The following DNAJC21 variants were observed in gnomAD, a reference collection of about 807,000 sequenced individuals.
The protein encoded by DNAJC21 is DnaJ heat shock protein family (Hsp40) member C21.
A neutral mutation model predicts 72.4 loss-of-function variants in DNAJC21; 63 were observed. The observed-to-expected ratio is 0.87, with a 90% confidence interval of 0.71 to 1.07. DNAJC21 has a LOEUF of 1.07. Among genes scored for constraint, DNAJC21 ranks in the 50% least tolerant of loss-of-function variants. The pLI is 0.00. For missense variants in DNAJC21, 634 were observed against 644.8 expected (o/e 0.98, Z 0.18); for synonymous variants, 203 against 216.7 (o/e 0.94, Z 0.56).
At chr5:34,941,259 A>G in intron 7 of DNAJC21, 76 bp downstream of exon 7, 1 of 1,308,486 alleles carries the variant, frequency 7.6e-7, no homozygotes, top group Non-Finnish European at 1.1e-6. Flanking sequence ...GTGCAGTGGC[A>G]CAGTCATGAC....
intron 1 of DNAJC21, among the ~76,000 whole-genome samples, chr5:34,932,521 A>G (rs1161964324): frequency 6.6e-6 from 1 of 152,206 alleles, no homozygotes; most frequent in Non-Finnish European, 1.5e-5. Context: ...ACAAATTACC[A>G]ATACCTCAGG....
intron 9 of DNAJC21, among the ~76,000 whole-genome samples, chr5:34,949,343 G>T (rs1371124500): frequency 6.6e-6 from 1 of 152,060 alleles, no homozygotes; most frequent in Non-Finnish European, 1.5e-5. Flanking sequence ...AAAAGTGGGG[G>T]AGCTGCTCTA....
intron 4 of DNAJC21, 43 bp from the exon 5 acceptor site, chr5:34,937,283 A>G (rs760364404): frequency 6.4e-7 from 1 of 1,551,558 alleles, no homozygotes; most frequent in African/African-American, 1.4e-5. Flanking sequence ...TTCTAAAAAA[A>G]AATCTTAAAG....
intron 7 of DNAJC21, among the ~76,000 whole-genome samples, chr5:34,943,979 C>T (rs577930099): frequency 2.6e-5 from 4 of 152,282 alleles, no homozygotes; most frequent in South Asian, 4.1e-4. Flanking sequence ...CTTCCATTAT[C>T]TCCAGGGCAG....
chr5:34,938,327 G>A (rs1764865555), intron 5 of DNAJC21, among the ~76,000 whole-genome samples: 2 of 152,224 alleles, frequency 1.3e-5, no homozygotes, highest in South Asian at 4.1e-4. Flanking sequence ...CACAGAGCCA[G>A]TAAATGGTAG....
Position 34,929,902 on chromosome 5 carries a change from T to G in DNAJC21, c.83T>G (p.Leu28Arg). 6.3e-7 allele frequency: 1 copy of G among 1,577,804 alleles called. No homozygotes were observed. The highest frequency in any genetic ancestry group is 8.6e-7 in the Non-Finnish European group (1 of 1,162,036). Residue 28 changes from leucine to arginine, a missense_variant, in exon 1 of 12, where the codon CTG (leucine) becomes CGG (arginine). Coordinates refer to ENST00000648817, the MANE Select transcript of DNAJC21 (RefSeq NM_001012339.3). ...ELKKAYRKLA[L>R]KWHPDKNLDN... ...AAGAAGGCCTATCGGAAGCTGGCCC[T>G]GAAATGGCACCCGGGTAAGTACCTG...
chr5:34,944,840 G>C, intron 7 of DNAJC21, 27 bp from the exon 8 acceptor site: 3 of 1,612,238 alleles, frequency 1.9e-6, no homozygotes, highest in Non-Finnish European at 2.5e-6. Flanking sequence ...TTTTAGCGCA[G>C]CTGCTCACGT....
Position 34,957,451 on chromosome 5 carries a change from A to G in DNAJC21, c.*2737A>G, listed in dbSNP as rs1250955722. The G allele has an allele frequency of 6.6e-6, 1 of 152,178 alleles. No homozygotes were observed. The highest frequency in any genetic ancestry group is 2.4e-5 in the African/African-American group (1 of 41,430). The allele number at this position is 152,178 out of a possible 1,614,324, so 9.4% of individuals were successfully genotyped here. On this transcript the variant is annotated 3_prime_UTR_variant, in exon 12 of 12. Coordinates refer to ENST00000648817, the MANE Select transcript of DNAJC21 (RefSeq NM_001012339.3). Reference sequence around the variant, plus strand: ...CTTAGCTCTAGCCAAGCATTTTTCTAATTCCTGCCTTTGGTCACAAAGAAG... The same window carrying G: ...CTTAGCTCTAGCCAAGCATTTTTCTGATTCCTGCCTTTGGTCACAAAGAAG...
At chr5:34,934,212 G>A (rs1467399767) in intron 2 of DNAJC21, among the ~76,000 whole-genome samples, 1 of 151,978 alleles carries the variant, frequency 6.6e-6, no homozygotes, top group African/African-American at 2.4e-5. Context: ...ACTGATATCA[G>A]ACAGGTAGAA....
At chr5:34,935,062 T>G (rs1764726251) in intron 2 of DNAJC21, among the ~76,000 whole-genome samples, 1 of 152,214 alleles carries the variant, frequency 6.6e-6, no homozygotes, top group Non-Finnish European at 1.5e-5. Context: ...AGCTCTTGCC[T>G]AGTAACTCTC....
chr5:34,946,917 C>T (rs533725727), intron 9 of DNAJC21, among the ~76,000 whole-genome samples: 4 of 152,288 alleles, frequency 2.6e-5, no homozygotes, highest in Middle Eastern at 3.4e-3. Context: ...AACACCCCAT[C>T]GTTTCTCTCA....
chr5:34,942,670 C>T (rs973678990), intron 7 of DNAJC21, among the ~76,000 whole-genome samples: 1 of 152,102 alleles, frequency 6.6e-6, no homozygotes, highest in Non-Finnish European at 1.5e-5. Flanking sequence ...TGTCCTCTTT[C>T]TCTCTACACG....
rs769606764 is a variant in DNAJC21, at chr5:34,929,870, G to A, written c.51G>A (p.Glu17=). Residue 17 remains glutamate, a synonymous_variant, in exon 1 of 12, where the codon GAG becomes GAA. Transcript: ENST00000648817. Reference sequence around the variant, plus strand: ...GGGTGCGGCGCGACGCCAGCGAGGAGGAGCTCAAGAAGGCCTATCGGAAGC... The same window carrying A: ...GGGTGCGGCGCGACGCCAGCGAGGAAGAGCTCAAGAAGGCCTATCGGAAGC... ...ALGVRRDASE[E]ELKKAYRKLA... 1.4e-4 allele frequency: 228 copies of A among 1,583,812 alleles called. No individual in the cohort carries two copies. The highest frequency in any genetic ancestry group is 1.7e-4 in the Non-Finnish European group (201 of 1,165,960).
rs368712421 is a variant in DNAJC21 at position 34,944,898 on chromosome 5, C to T, written c.1015C>T (p.Arg339Trp). ...GAATCACGAGAAGTCAAAGAAGCAT[C>T]GGGAAATGGTGGCCTTGCTAAAACA... ...MKNHEKSKKH[R>W]EMVALLKQQL... The change falls in exon 8 of 12, where the codon CGG (arginine) becomes TGG (tryptophan). Residue 339 changes from arginine to tryptophan, a missense_variant. By Grantham distance (101) the Arg-to-Trp change is moderately radical. Transcript: ENST00000648817. 6 of 1,613,832 alleles carry T rather than the reference C, an allele frequency of 3.7e-6. No individual in the cohort carries two copies. Among genetic ancestry groups the T allele is most frequent in the Non-Finnish European group, 5.1e-6 (6 of 1,180,004 alleles).
chr5:34,956,423 C>A lies in DNAJC21; in HGVS notation c.*1709C>A, dbSNP rs926607781. The A allele has an allele frequency of 6.6e-6, 1 of 152,126 alleles. No homozygotes were observed. Among genetic ancestry groups the A allele is most frequent in the African/African-American group, 2.4e-5 (1 of 41,408 alleles). 9.4% of individuals were successfully genotyped at this position (152,126 alleles called of 1,614,324 possible). ...CCTTATAATTGTCCCTGCTCCCCTT[C>A]TTGATCTCTTCAGGGGGAATACTAG... On this transcript the variant is annotated 3_prime_UTR_variant, in exon 12 of 12. Transcript: ENST00000648817.
rs887156322 is a variant in DNAJC21 at position 34,958,795 on chromosome 5, C to T, written c.*4081C>T. The T allele has an allele frequency of 2.0e-5, 3 of 152,134 alleles. No homozygotes were observed. The highest frequency in any genetic ancestry group is 1.9e-4 in the East Asian group (1 of 5,196). 9.4% of individuals were successfully genotyped at this position (152,134 alleles called of 1,614,324 possible). On this transcript the variant is annotated 3_prime_UTR_variant, in exon 12 of 12. Coordinates refer to ENST00000648817, the MANE Select transcript of DNAJC21 (RefSeq NM_001012339.3). Reference sequence around the variant, plus strand: ...AAAAGTGAGAACCCCAAAGAGTTTTCATGTATGTGGGTTAAATCTATTGAT... The same window carrying T: ...AAAAGTGAGAACCCCAAAGAGTTTTTATGTATGTGGGTTAAATCTATTGAT...
At chr5:34,953,200 A>G (rs1431727943) in intron 10 of DNAJC21, among the ~76,000 whole-genome samples, 1 of 151,994 alleles carries the variant, frequency 6.6e-6, no homozygotes, top group Non-Finnish European at 1.5e-5. Flanking sequence ...CAGATCATTT[A>G]TGATTACCGT....
intron 2 of DNAJC21, 119 bp downstream of exon 2, chr5:34,934,027 TG>T: frequency 1.4e-6 from 1 of 721,826 alleles, no homozygotes; most frequent in East Asian, 2.9e-5. Flanking sequence ...CTGAAACATC[TG>T]TCACCTAGTC....
rs1297014270 is a variant in DNAJC21 at position 34,929,799 on chromosome 5, G to C, written c.-21G>C. On this transcript the variant is annotated 5_prime_UTR_variant, in exon 1 of 12. Coordinates refer to ENST00000648817, the MANE Select transcript of DNAJC21 (RefSeq NM_001012339.3). Reference sequence around the variant, plus strand: ...CGACCCCGTCCCGGGCCCCAGCGCCGGCCGCCCGCCCGGTCGGGCGATGAA... The same window carrying C: ...CGACCCCGTCCCGGGCCCCAGCGCCCGCCGCCCGCCCGGTCGGGCGATGAA... 7.3e-7 allele frequency: 1 copy of C among 1,365,492 alleles called. No homozygotes were observed. Among genetic ancestry groups the C allele is most frequent in the Non-Finnish European group, 9.6e-7 (1 of 1,039,914 alleles). The allele number at this position is 1,365,492 out of a possible 1,614,324, so 84.6% of individuals were successfully genotyped here.
Sources: allele counts gnomAD v4.1 joint callset (sites outside exome capture counted in the v4.1 genomes callset), GRCh38; gene constraint gnomAD v4.1.1; transcripts MANE v1.5; gene names NCBI Gene and HGNC (gene_info 2026-07-23, HGNC 2026-07-21).